Variants in RIIAD1 observed in about 807,000 individuals in gnomAD.
RIIAD1 encodes the protein regulatory subunit of type II PKA R-subunit domain containing 1.
A neutral mutation model predicts 13.3 loss-of-function variants in RIIAD1; 15 were observed. The observed-to-expected ratio is 1.13, with a 90% CI of 0.76 to 1.74. The LOEUF is 1.74. Ranked by LOEUF, RIIAD1 falls within the 40% of genes most tolerant of loss-of-function variation. The pLI, the probability that RIIAD1 is intolerant of heterozygous loss-of-function variation, is 0.00. For synonymous variants in RIIAD1, 50 were observed against 43.3 expected, an observed-to-expected ratio of 1.16 and a Z score of -0.61; for missense variants, 121 against 112.2, an observed-to-expected ratio of 1.08 and a Z score of -0.35.
At chr1:151,728,616 C>T (rs1647232533) in intron 3 of RIIAD1, 150 bp from the exon 4 acceptor site, 2 of 627,178 alleles carry the variant, frequency 3.2e-6, no homozygotes, top group Non-Finnish European at 2.9e-6. Context: ...GTTCATTTTA[C>T]CATATTACAT....
intron 1 of RIIAD1, 27 bp downstream of exon 1, chr1:151,721,647 C>T: frequency 7.9e-7 from 1 of 1,264,888 alleles, no homozygotes; most frequent in Non-Finnish European, 1.0e-6. Flanking sequence ...CCCCATCCAG[C>T]GTCCACCAAA....
chr1:151,715,448 A>G (rs927793967), intron 4 of RIIAD1, among the ~76,000 whole-genome samples: 1 of 151,852 alleles, frequency 6.6e-6, no homozygotes, highest in Non-Finnish European at 1.5e-5. Flanking sequence ...TCCACATTGA[A>G]CACCTGACCC....
intron 2 of RIIAD1, among the ~76,000 whole-genome samples, chr1:151,725,107 C>CTTTTTT (rs71759600): frequency 2.4e-5 from 2 of 84,658 alleles, no homozygotes; most frequent in African/African-American, 5.1e-5. Context: ...CGCACCTCGC[C>CTTTTTT]TTTTTTTTTT....
intron 2 of RIIAD1, chr1:151,712,133 T>G (rs964635319): frequency 6.6e-6 from 1 of 152,022 alleles, no homozygotes; most frequent in African/African-American, 2.4e-5. Context: ...ACCTGCCCCC[T>G]CCCCTGAGTC....
upstream of RIIAD1, among the ~76,000 whole-genome samples, chr1:151,717,769 A>T (rs1673594732): frequency 6.6e-6 from 1 of 152,220 alleles, no homozygotes. Flanking sequence ...TTGGACTCAA[A>T]TTGAGCCAGG....
rs141607898 is a variant in RIIAD1 at position 151,712,457 on chromosome 1, C to T, written c.-186+460C>T. 1.7e-3 allele frequency among the ~76,000 whole-genome samples: 252 copies of T among 152,324 alleles called. 1 individual carries two copies. Among genetic ancestry groups the T allele is most frequent in the African/African-American group, 5.7e-3 (235 of 41,568 alleles). ...TCCCAGACCACTCACAGGTTCTCTC[C>T]GTGGGGCCAGAATCCACCTTCCTGA... is the stretch of plus-strand genomic sequence containing the variant. On this transcript the variant is annotated intron_variant, in intron 2 of 8. Coordinates refer to the RIIAD1 transcript ENST00000326413.
At chr1:151,714,832 C>A (rs1300588035) in intron 4 of RIIAD1, among the ~76,000 whole-genome samples, 1 of 152,006 alleles carries the variant, frequency 6.6e-6, no homozygotes, top group Non-Finnish European at 1.5e-5. Flanking sequence ...GGGGTAGACT[C>A]TCTGCCCCAG....
At chr1:151,713,544 C>T (rs1380393360) in exon 3 of RIIAD1, 2 of 152,232 alleles carry the variant, frequency 1.3e-5, no homozygotes, top group Non-Finnish European at 2.9e-5. Flanking sequence ...TGAGGGGCCT[C>T]CACAGAGAAA....
intron 2 of RIIAD1, among the ~76,000 whole-genome samples, chr1:151,725,107 C>CTTT (rs71759600): frequency 0.082 from 6,938 of 84,574 alleles, 735 homozygotes; most frequent in Non-Finnish European, 0.097. Flanking sequence ...CGCACCTCGC[C>CTTT]TTTTTTTTTT....
chr1:151,711,910 A>T (rs1052411813), exon 2 of RIIAD1: 4 of 152,236 alleles, frequency 2.6e-5, no homozygotes, highest in African/African-American at 9.7e-5. Flanking sequence ...AGGCACAAAA[A>T]TAGCATCTCG....
intron 4 of RIIAD1, chr1:151,716,031 C>A: frequency 1.2e-6 from 2 of 1,606,732 alleles, no homozygotes; most frequent in Non-Finnish European, 1.7e-6. Context: ...TGAGGCGGCC[C>A]AGGAGGAGGG....
intron 3 of RIIAD1, chr1:151,728,273 C>T (rs1290095486): frequency 3.6e-5 from 6 of 168,964 alleles, no homozygotes; most frequent in East Asian, 1.7e-4. Flanking sequence ...CTGCGAGAGC[C>T]TGGCTCTCCT....
chr1:151,711,973 G>C (rs1370278782), exon 2 of RIIAD1: 1 of 152,260 alleles, frequency 6.6e-6, no homozygotes, highest in Non-Finnish European at 1.5e-5. Context: ...CAAGTGTACA[G>C]ACCACAGCAA....
At chr1:151,721,822 A>G (rs41263704) in intron 1 of RIIAD1, 28,007 of 576,610 alleles carry the variant, frequency 0.049, 937 homozygotes, top group Non-Finnish European at 0.067. Context: ...CTGAGAGTGC[A>G]GGAAGAACTA....
Position 151,727,595 on chromosome 1 carries a change from C to T in RIIAD1, c.182C>T (p.Pro61Leu). ...TCCAGAGAAATATTTTTGAAAAGAC[C>T]AGACAACATCCTAGAATTTGCTGCA... is the stretch of plus-strand genomic sequence containing the variant. ...GFFREIFLKR[P>L]DNILEFAADY... Residue 61 changes from proline to leucine, a missense_variant, in exon 3 of 5, where the codon CCA becomes CTA. Coordinates refer to ENST00000479191, the MANE Select transcript of RIIAD1 (RefSeq NM_001144956.3). 6.5e-7 allele frequency: 1 copy of T among 1,550,256 alleles called. No homozygotes were observed. Among genetic ancestry groups the T allele is most frequent in the Non-Finnish European group, 8.7e-7 (1 of 1,145,792 alleles).
At chr1:151,718,347 C>T (rs980913053), upstream of RIIAD1, among the ~76,000 whole-genome samples, 2 of 152,168 alleles carry the variant, frequency 1.3e-5, no homozygotes, top group African/African-American at 4.8e-5. Flanking sequence ...AATAACTTGC[C>T]TAAAGCCATG....
intron 2 of RIIAD1, among the ~76,000 whole-genome samples, chr1:151,723,146 G>A (rs1234949679): frequency 6.6e-6 from 1 of 152,236 alleles, no homozygotes; most frequent in African/African-American, 2.4e-5. Flanking sequence ...TGTAATCCCA[G>A]CACTTTGGGA....
intron 2 of RIIAD1, among the ~76,000 whole-genome samples, chr1:151,712,907 GCA>G (rs752980688): frequency 9.2e-5 from 14 of 152,168 alleles, no homozygotes; most frequent in East Asian, 1.9e-4. Flanking sequence ...GCGTGTGCAT[GCA>G]CACACACTCA....
At chr1:151,724,164 T>C (rs1038860846) in intron 2 of RIIAD1, among the ~76,000 whole-genome samples, 5 of 152,204 alleles carry the variant, frequency 3.3e-5, no homozygotes, top group African/African-American at 1.2e-4. Flanking sequence ...GCAGCCTGGG[T>C]ATCTGAGACT....
Sources: gnomAD v4.1 joint callset for allele counts (sites outside exome capture counted in the v4.1 genomes callset) on GRCh38, gnomAD v4.1.1 for gene constraint, MANE v1.5 for transcripts, NCBI Gene and HGNC (gene_info 2026-07-23, HGNC 2026-07-21) for gene names.